Variants in ZC2HC1A observed in about 807,000 individuals in gnomAD.
ZC2HC1A encodes the protein zinc finger C2HC domain-containing protein 1A.
ZC2HC1A carries 28 observed loss-of-function variants against 40.7 expected under a neutral mutation model. The ratio of observed to expected loss-of-function variants is 0.69; its 90% CI spans 0.51 to 0.94. The LOEUF (loss-of-function observed/expected upper bound fraction) is 0.94, where lower values mean the gene tolerates loss of function less well. ZC2HC1A is among the 40% of genes least tolerant of loss of function. The probability of loss-of-function intolerance (pLI) is 0.00; values close to 1 mark genes in which losing one functional copy is unlikely to be tolerated. For synonymous variants in ZC2HC1A, 129 were observed against 129.2 expected (o/e 1.00, Z 0.01); for missense variants, 389 against 386.3 (o/e 1.01, Z -0.06).
At chr8:78,702,049 T>A (rs1810623379) in intron 7 of ZC2HC1A, among the ~76,000 whole-genome samples, 1 of 152,192 alleles carries the variant, frequency 6.6e-6, no homozygotes, top group African/African-American at 2.4e-5. Flanking sequence ...GTAGGAATTG[T>A]ACCAGTTCTT....
intron 7 of ZC2HC1A, among the ~76,000 whole-genome samples, chr8:78,701,555 G>A (rs191970945): frequency 3.5e-4 from 54 of 152,234 alleles, no homozygotes; most frequent in African/African-American, 1.2e-3. Flanking sequence ...GTGAGAAAGG[G>A]CATCTTTGTC....
intron 1 of ZC2HC1A, 86 bp downstream of exon 1, chr8:78,666,250 G>A: frequency 6.5e-7 from 1 of 1,540,702 alleles, no homozygotes; most frequent in Non-Finnish European, 8.8e-7. Flanking sequence ...AGGAAGGCGA[G>A]GGCTGGTTCG....
rs191819520 is a variant in ZC2HC1A, at chr8:78,704,726, G to A, written c.704+6213G>A. Among the ~76,000 whole-genome samples, 1,513 of 152,224 alleles carry A rather than the reference G, an allele frequency of 9.9e-3. 27 individuals are homozygous for A. Among genetic ancestry groups the A allele is most frequent in the Non-Finnish European group, 0.012 (783 of 68,008 alleles). On this transcript the variant is annotated intron_variant, in intron 7 of 8. Coordinates refer to ENST00000263849, the MANE Select transcript of ZC2HC1A (RefSeq NM_016010.3). ...GGTGCCATTCTCCTCATCTCTTTCAGATATACCGGTCAGTCATAGATTTGG... is the reference window on the plus strand; with the variant it reads ...GGTGCCATTCTCCTCATCTCTTTCAAATATACCGGTCAGTCATAGATTTGG...
intron 5 of ZC2HC1A, among the ~76,000 whole-genome samples, chr8:78,697,067 A>C (rs561584368): frequency 2.0e-4 from 31 of 152,286 alleles, no homozygotes; most frequent in Non-Finnish European, 4.3e-4. Flanking sequence ...GAGGTGATAT[A>C]TTTTAATCTA....
rs190832144 is a variant in ZC2HC1A, at chr8:78,680,864, G to C, written c.210+2185G>C. Among the ~76,000 whole-genome samples the C allele has an allele frequency of 5.3e-5, 8 of 152,264 alleles. No individual in the cohort carries two copies. In the East Asian group the frequency reaches 1.5e-3, roughly 29 times the overall value. Reference sequence around the variant, plus strand: ...AGATAGTATCTTTATCTCTTGTTTAGTATAGGCAAGACAGAAACTGGGAGG... The same window carrying C: ...AGATAGTATCTTTATCTCTTGTTTACTATAGGCAAGACAGAAACTGGGAGG... On this transcript the variant is annotated intron_variant, in intron 3 of 8. Transcript: ENST00000263849.
chr8:78,713,023 G>A (rs902291242), intron 7 of ZC2HC1A, among the ~76,000 whole-genome samples: 3 of 152,100 alleles, frequency 2.0e-5, no homozygotes, highest in African/African-American at 4.8e-5. Flanking sequence ...TGTGCTGTGA[G>A]CCGTTTTTCA....
At chr8:78,676,823 A>G (rs1056576077) in intron 2 of ZC2HC1A, among the ~76,000 whole-genome samples, 1 of 152,034 alleles carries the variant, frequency 6.6e-6, no homozygotes, top group African/African-American at 2.4e-5. Flanking sequence ...AGCAAAAAAA[A>G]AGTGCCTTTT....
At chr8:78,710,942 C>G (rs1810932470) in intron 7 of ZC2HC1A, among the ~76,000 whole-genome samples, 1 of 151,990 alleles carries the variant, frequency 6.6e-6, no homozygotes, top group Non-Finnish European at 1.5e-5. Flanking sequence ...TCTTAGATAT[C>G]TATAATCTAG....
chr8:78,676,467 C>G (rs1809582863), intron 2 of ZC2HC1A, among the ~76,000 whole-genome samples: 1 of 151,940 alleles, frequency 6.6e-6, no homozygotes, highest in Non-Finnish European at 1.5e-5. Flanking sequence ...ATAAAGTTAG[C>G]TAACTAAATA....
intron 5 of ZC2HC1A, among the ~76,000 whole-genome samples, chr8:78,692,986 G>GT (rs1810262726): frequency 1.3e-5 from 2 of 151,892 alleles, no homozygotes; most frequent in South Asian, 2.1e-4. Context: ...GCGGTGTTTG[G>GT]TTTTTTGTCC....
At chr8:78,693,847 A>G (rs1270294083) in intron 5 of ZC2HC1A, among the ~76,000 whole-genome samples, 1 of 152,210 alleles carries the variant, frequency 6.6e-6, no homozygotes, top group Non-Finnish European at 1.5e-5. Flanking sequence ...GTTTTCTTCT[A>G]GGGTTTTTAT....
intron 1 of ZC2HC1A, among the ~76,000 whole-genome samples, chr8:78,668,579 T>C (rs1000409636): frequency 6.6e-6 from 1 of 152,164 alleles, no homozygotes; most frequent in African/African-American, 2.4e-5. Flanking sequence ...TTTGTTTTAC[T>C]TTTGGTCTTC....
At chr8:78,708,458 G>A (rs779224024) in intron 7 of ZC2HC1A, among the ~76,000 whole-genome samples, 2 of 151,972 alleles carry the variant, frequency 1.3e-5, no homozygotes, top group East Asian at 3.9e-4. Flanking sequence ...TGGGAGAGTC[G>A]CTTGAACCCA....
rs1811172716 is a variant in ZC2HC1A at position 78,718,472 on chromosome 8, G to C, written c.*979G>C. ...ATAGTTGTGGTAACTAATCATTAGT[G>C]CAGAGCATGCAGATAAAAAATATTT... On this transcript the variant is annotated 3_prime_UTR_variant, in exon 9 of 9. Transcript: ENST00000263849. 6.6e-6 allele frequency: 1 copy of C among 151,856 alleles called. No individual in the cohort carries two copies. The highest frequency in any genetic ancestry group is 6.6e-5 in the Admixed American group (1 of 15,246). The allele number at this position is 151,856 out of a possible 1,614,324, so 9.4% of individuals were successfully genotyped here.
chr8:78,692,795 A>G (rs1381803087), intron 5 of ZC2HC1A, among the ~76,000 whole-genome samples: 2 of 152,118 alleles, frequency 1.3e-5, no homozygotes, highest in Admixed American at 6.5e-5. Context: ...GGTTTGTTAC[A>G]TACGTGTACA....
intron 2 of ZC2HC1A, 177 bp downstream of exon 2, chr8:78,676,040 C>T (rs1156331761): frequency 4.6e-6 from 2 of 436,642 alleles, no homozygotes; most frequent in African/African-American, 4.1e-5. Context: ...GCTTTCTTTC[C>T]TTCAGAGTTT....
chr8:78,667,148 A>G (rs1378073209), intron 1 of ZC2HC1A, among the ~76,000 whole-genome samples: 1 of 152,182 alleles, frequency 6.6e-6, no homozygotes, highest in African/African-American at 2.4e-5. Flanking sequence ...AAAATATTCT[A>G]CATTGTGTGA....
chr8:78,672,604 C>G, intron 1 of ZC2HC1A, among the ~76,000 whole-genome samples: 1 of 151,930 alleles, frequency 6.6e-6, no homozygotes, highest in East Asian at 1.9e-4. Flanking sequence ...AGTAATTTAC[C>G]GTAGAGATAA....
intron 7 of ZC2HC1A, among the ~76,000 whole-genome samples, chr8:78,704,262 C>T (rs1810698903): frequency 6.6e-6 from 1 of 151,742 alleles, no homozygotes; most frequent in African/African-American, 2.4e-5. Context: ...GTTGTGTGCA[C>T]CTGTAGTCCC....
Sources: gnomAD v4.1 joint callset for allele counts (sites outside exome capture counted in the v4.1 genomes callset) on GRCh38, gnomAD v4.1.1 for gene constraint, MANE v1.5 for transcripts, NCBI Gene and HGNC (gene_info 2026-07-23, HGNC 2026-07-21) for gene names.